GGNBP2: variants seen among roughly 807,000 people sequenced by gnomAD.
GGNBP2 encodes gametogenetin binding protein 2, also known as gametogenetin-binding protein 2.
A neutral mutation model predicts 85.9 loss-of-function variants in GGNBP2; 10 were observed. The observed-to-expected ratio is 0.12, with a 90% CI of 0.07 to 0.20. GGNBP2 has a LOEUF of 0.20. GGNBP2 is among the 10% of genes least tolerant of loss of function. The pLI, the probability that GGNBP2 is intolerant of heterozygous loss-of-function variation, is 1.00. For missense variants in GGNBP2, 595 were observed against 857.8 expected (o/e 0.69, Z 3.83); for synonymous variants, 287 against 285.7 (o/e 1.00, Z -0.05).
At position 36,545,620 on chromosome 17, in the gene GGNBP2, C is replaced by T. The variant is rs1306343864; in HGVS notation, c.-105C>T. The T allele has an allele frequency of 8.3e-6, 7 of 844,472 alleles. No individual in the cohort carries two copies. Among genetic ancestry groups the T allele is most frequent in the Non-Finnish European group, 1.3e-5 (7 of 519,504 alleles). The allele number at this position is 844,472 out of a possible 1,614,324, so 52.3% of individuals were successfully genotyped here. A position where few individuals can be genotyped will look rare whatever the true frequency, so the allele number is the denominator to read the frequency against. On this transcript the variant is annotated splice_region_variant and 5_prime_UTR_variant, in exon 2 of 14. Transcript: ENST00000613102. Reference sequence around the variant, plus strand: ...GCTCGCGGGGTTTGGCTGTTGCAGGCAGGAGCTGGGAGGAGGCGGCAGCGG... The same window carrying T: ...GCTCGCGGGGTTTGGCTGTTGCAGGTAGGAGCTGGGAGGAGGCGGCAGCGG...
At chr17:36,548,022 CAG>C (rs1362166849) in intron 2 of GGNBP2, among the ~76,000 whole-genome samples, 1 of 152,216 alleles carries the variant, frequency 6.6e-6, no homozygotes, top group Non-Finnish European at 1.5e-5. Context: ...ATGCCCCTAT[CAG>C]AGTTTTATGC....
At chr17:36,583,702 G>A (rs2074673948) in intron 9 of GGNBP2, among the ~76,000 whole-genome samples, 1 of 151,206 alleles carries the variant, frequency 6.6e-6, no homozygotes, top group South Asian at 2.1e-4. Context: ...AGCTTAGGCA[G>A]TCTGCCCGCT....
rs1027190504 is a variant in GGNBP2 at position 36,557,845 on chromosome 17, G to T, written c.428+509G>T. On this transcript the variant is annotated intron_variant, in intron 4 of 13. Transcript: ENST00000613102. ...GCAGAGTAATAAGGCCGGGCGCGGT[G>T]GCTCACGCCTGTAATCCCAGCACTT... 2.0e-5 allele frequency among the ~76,000 whole-genome samples: 3 copies of T among 152,198 alleles called. No individual in the cohort carries two copies. In the East Asian group the frequency reaches 5.8e-4, roughly 29 times the overall value.
intron 6 of GGNBP2, among the ~76,000 whole-genome samples, chr17:36,568,870 C>T (rs2074494811): frequency 6.6e-6 from 1 of 151,964 alleles, no homozygotes; most frequent in South Asian, 2.1e-4. Flanking sequence ...ATTCTCCTGC[C>T]TCACCCTCCC....
chr17:36,548,085 GGT>G (rs2074271515), intron 2 of GGNBP2, among the ~76,000 whole-genome samples: 1 of 152,208 alleles, frequency 6.6e-6, no homozygotes, highest in Admixed American at 6.5e-5. Context: ...GTTAACCTTA[GGT>G]TTTGTCTTTG....
intron 3 of GGNBP2, among the ~76,000 whole-genome samples, chr17:36,555,206 G>GT (rs1257361128): frequency 6.6e-6 from 1 of 152,024 alleles, no homozygotes; most frequent in Non-Finnish European, 1.5e-5. Context: ...AAACTTGTTG[G>GT]TTTTCTGCTG....
intron 9 of GGNBP2, chr17:36,582,504 T>C (rs556239878): frequency 6.6e-6 from 1 of 152,336 alleles, no homozygotes; most frequent in Non-Finnish European, 1.5e-5. Context: ...CCAAATATTT[T>C]CGATTCTTGG....
In GGNBP2 at chr17:36,586,913, C is replaced by T. The variant is rs947531410; in HGVS notation, c.1642-84C>T. The T allele has an allele frequency of 2.4e-5, 29 of 1,206,248 alleles. No homozygotes were observed. The Admixed American group carries it at 4.0e-4, about 16-fold the overall frequency. 74.7% of individuals were successfully genotyped at this position (1,206,248 alleles called of 1,614,324 possible). A position where few individuals can be genotyped will look rare whatever the true frequency, so the allele number is the denominator to read the frequency against. On this transcript the variant is annotated intron_variant, in intron 12 of 13. Transcript: ENST00000613102. ...AGATTGTAGGCATGAGCCACCGTGC[C>T]CCGCTTTTTTTTTTTTTTTTTTAAA...
intron 2 of GGNBP2, among the ~76,000 whole-genome samples, chr17:36,552,636 A>G (rs1197738917): frequency 3.2e-4 from 49 of 152,216 alleles, no homozygotes; most frequent in Non-Finnish European, 8.8e-5. Context: ...TAGAAACAAG[A>G]TGTCAGGGTT....
At chr17:36,555,562 A>C (rs995511074) in intron 3 of GGNBP2, among the ~76,000 whole-genome samples, 7 of 152,164 alleles carry the variant, frequency 4.6e-5, no homozygotes, top group African/African-American at 1.7e-4. Flanking sequence ...CAGACATGGC[A>C]GCATGTGCCT....
Position 36,579,435 on chromosome 17 carries a change from T to C in GGNBP2, c.1020+16T>C, listed in dbSNP as rs757560746. The C allele has an allele frequency of 5.2e-5, 83 of 1,611,198 alleles. No homozygotes were observed. The highest frequency in any genetic ancestry group is 5.9e-6 in the Non-Finnish European group (7 of 1,177,692). Reference sequence around the variant, plus strand: ...GAGTTTTGAGGTAAGAACAGTGGGCTGTTCCAGTATCTCAGATTGCTTAGT... The same window carrying C: ...GAGTTTTGAGGTAAGAACAGTGGGCCGTTCCAGTATCTCAGATTGCTTAGT... On this transcript the variant is annotated intron_variant, in intron 8 of 13. Coordinates refer to ENST00000613102, the MANE Select transcript of GGNBP2 (RefSeq NM_024835.5).
chr17:36,552,371 G>A (rs546239249), intron 2 of GGNBP2, among the ~76,000 whole-genome samples: 1 of 152,162 alleles, frequency 6.6e-6, no homozygotes, highest in South Asian at 2.1e-4. Context: ...TTTTAAATTT[G>A]AGTAGAGCAT....
chr17:36,545,310 T>C (rs1182681774), intron 1 of GGNBP2, among the ~76,000 whole-genome samples: 1 of 134,046 alleles, frequency 7.5e-6, no homozygotes, highest in Admixed American at 8.0e-5. Context: ...AGGCCAGGGG[T>C]GGGGTCCTGG....
At chr17:36,560,374 C>T (rs891790959) in intron 4 of GGNBP2, among the ~76,000 whole-genome samples, 3 of 152,172 alleles carry the variant, frequency 2.0e-5, no homozygotes, top group East Asian at 1.9e-4. Flanking sequence ...GTTGATGACT[C>T]CTCTTCAAGG....
chr17:36,557,420 A>C lies in GGNBP2; in HGVS notation c.428+84A>C. 3 of 1,138,674 alleles carry C rather than the reference A, an allele frequency of 2.6e-6. No individual in the cohort carries two copies. The East Asian group carries it at 7.1e-5, about 27-fold the overall frequency. The allele number at this position is 1,138,674 out of a possible 1,614,324, so 70.5% of individuals were successfully genotyped here. On this transcript the variant is annotated intron_variant, in intron 4 of 13. Transcript: ENST00000613102. ...AGTGGCAGCTTATTTTCTTGATGGA[A>C]AGATTGAGTCTGATTTAATAATTTT... is the stretch of plus-strand genomic sequence containing the variant.
chr17:36,551,278 C>T (rs931076026), intron 2 of GGNBP2, among the ~76,000 whole-genome samples: 3 of 151,350 alleles, frequency 2.0e-5, no homozygotes, highest in Non-Finnish European at 4.4e-5. Context: ...ACGATCTTGG[C>T]TCACCACAAC....
chr17:36,558,981 A>G (rs960842969), intron 4 of GGNBP2, among the ~76,000 whole-genome samples: 3 of 152,036 alleles, frequency 2.0e-5, no homozygotes, highest in African/African-American at 7.2e-5. Flanking sequence ...GCCATCAAAG[A>G]TGATTCTCAG....
At chr17:36,575,097 A>C (rs2074563198) in intron 6 of GGNBP2, 2 of 824,812 alleles carry the variant, frequency 2.4e-6, no homozygotes, top group South Asian at 1.5e-5. Context: ...GAGAAGACAT[A>C]CATCTCCTCC....
At position 36,545,650 on chromosome 17, in the gene GGNBP2, G is replaced by GGCA; in HGVS notation, c.-73_-71dup. On this transcript the variant is annotated 5_prime_UTR_variant, in exon 2 of 14. Transcript: ENST00000613102. ...GCTGGGAGGAGGCGGCAGCGGCGGC[G>GGCA]GCAGAAACAGCAGCGGCGGCGGCGG... 2.5e-6 allele frequency: 3 copies of GGCA among 1,184,550 alleles called. No homozygotes were observed. Among genetic ancestry groups the GGCA allele is most frequent in the Non-Finnish European group, 3.7e-6 (3 of 816,894 alleles). 73.4% of individuals were successfully genotyped at this position (1,184,550 alleles called of 1,614,324 possible).
Sources: allele counts gnomAD v4.1 joint callset (sites outside exome capture counted in the v4.1 genomes callset), GRCh38; gene constraint gnomAD v4.1.1; transcripts MANE v1.5; gene names NCBI Gene and HGNC (gene_info 2026-07-23, HGNC 2026-07-21).